The following NRG3 variants were observed in gnomAD, a reference collection of about 807,000 sequenced individuals.
NRG3 encodes pro-neuregulin-3, membrane-bound isoform.
In NRG3, 31 loss-of-function variants were observed where a neutral mutation model predicts 66.9. The ratio of observed to expected loss-of-function variants is 0.46; its 90% confidence interval spans 0.35 to 0.63. The LOEUF is 0.63. NRG3 is among the 20% of genes least tolerant of loss of function. The pLI, the probability that NRG3 is intolerant of heterozygous loss-of-function variation, is 0.00. For synonymous variants in NRG3, 393 were observed against 359.4 expected, an observed-to-expected ratio of 1.09 and a Z score of -1.06; for missense variants, 910 against 878.9, an observed-to-expected ratio of 1.04 and a Z score of -0.45.
intron 1 of NRG3, among the ~76,000 whole-genome samples, chr10:82,193,904 T>G (rs1424935612): frequency 1.3e-5 from 2 of 152,124 alleles, no homozygotes; most frequent in South Asian, 4.1e-4. Flanking sequence ...CAGGGTGAGA[T>G]AAACATCAGG....
At chr10:82,869,237 C>A (rs1841050739) in intron 4 of NRG3, among the ~76,000 whole-genome samples, 2 of 152,128 alleles carry the variant, frequency 1.3e-5, no homozygotes, top group Non-Finnish European at 2.9e-5. Context: ...GTTTTAAGTT[C>A]ATAGCAAAAT....
chr10:82,461,966 A>C (rs1243275240), intron 2 of NRG3, among the ~76,000 whole-genome samples: 3 of 152,118 alleles, frequency 2.0e-5, no homozygotes, highest in Non-Finnish European at 2.9e-5. Context: ...CCCCGTCTCT[A>C]CTAAAAATAC....
chr10:82,651,383 G>A (rs1327076903), intron 2 of NRG3, among the ~76,000 whole-genome samples: 4 of 152,140 alleles, frequency 2.6e-5, no homozygotes, highest in Non-Finnish European at 5.9e-5. Flanking sequence ...GAAATAATGG[G>A]GACTTCTAAC....
chr10:82,168,952 A>G (rs188601124), intron 1 of NRG3, among the ~76,000 whole-genome samples: 26 of 152,162 alleles, frequency 1.7e-4, no homozygotes, highest in Admixed American at 1.5e-3. Context: ...CTAGCATCCA[A>G]AAGGTGTTTT....
intron 2 of NRG3, among the ~76,000 whole-genome samples, chr10:82,442,779 T>C (rs1157702752): frequency 6.9e-6 from 1 of 145,000 alleles, no homozygotes; most frequent in Non-Finnish European, 1.5e-5. Context: ...CTTATTTCTG[T>C]GTGGATTTTT....
At chr10:82,103,855 GAAA>G (rs2066903163) in intron 1 of NRG3, among the ~76,000 whole-genome samples, 1 of 151,654 alleles carries the variant, frequency 6.6e-6, no homozygotes, top group Non-Finnish European at 1.5e-5. Flanking sequence ...GACAAGGTGA[GAAA>G]AAAGAAGAGG....
chr10:82,812,263 AAGGCACCT>A (rs2061519667), intron 3 of NRG3, among the ~76,000 whole-genome samples: 1 of 152,182 alleles, frequency 6.6e-6, no homozygotes, highest in Non-Finnish European at 1.5e-5. Context: ...TTTGAGAAGC[AAGGCACCT>A]AGATTTCTGG....
intron 1 of NRG3, among the ~76,000 whole-genome samples, chr10:82,255,641 C>T (rs927737797): frequency 1.3e-5 from 2 of 152,102 alleles, no homozygotes; most frequent in African/African-American, 4.8e-5. Context: ...CTTGCTCTGT[C>T]GTCCAGGCTG....
At chr10:81,912,095 TTC>T in intron 1 of NRG3, among the ~76,000 whole-genome samples, 1 of 152,344 alleles carries the variant, frequency 6.6e-6, no homozygotes, top group African/African-American at 2.4e-5. Flanking sequence ...ATACTTCTTT[TTC>T]TTTTTCCTTA....
chr10:82,792,838 G>A (rs1239971947), intron 3 of NRG3, among the ~76,000 whole-genome samples: 2 of 151,846 alleles, frequency 1.3e-5, no homozygotes, highest in Non-Finnish European at 2.9e-5. Flanking sequence ...GTGCCACAAC[G>A]CCCAGCTAAT....
chr10:82,623,430 A>C (rs946189609), intron 2 of NRG3, among the ~76,000 whole-genome samples: 1 of 152,132 alleles, frequency 6.6e-6, no homozygotes. Context: ...TCTGAATCAG[A>C]TTTGCTCTCT....
intron 2 of NRG3, among the ~76,000 whole-genome samples, chr10:82,681,464 C>T (rs2054107734): frequency 6.6e-6 from 1 of 152,186 alleles, no homozygotes. Context: ...CAGAATAACT[C>T]AGTCCAGTTG....
At chr10:82,007,338 T>G (rs888085117) in intron 1 of NRG3, among the ~76,000 whole-genome samples, 2 of 151,730 alleles carry the variant, frequency 1.3e-5, no homozygotes, top group Non-Finnish European at 2.9e-5. Flanking sequence ...GCCTCCCAAG[T>G]AGCTGGGACT....
intron 1 of NRG3, among the ~76,000 whole-genome samples, chr10:81,925,868 T>G (rs1412314145): frequency 2.3e-4 from 35 of 152,100 alleles, no homozygotes; most frequent in Admixed American, 2.3e-3. Context: ...GACCTTAGCA[T>G]GCTGAGCCCT....
intron 1 of NRG3, among the ~76,000 whole-genome samples, chr10:81,955,475 G>A (rs1194477018): frequency 2.0e-5 from 3 of 152,046 alleles, no homozygotes; most frequent in Admixed American, 2.0e-4. Flanking sequence ...CAATGATGAG[G>A]ACTGATTGGG....
intron 3 of NRG3, among the ~76,000 whole-genome samples, chr10:82,835,906 G>A (rs1564549182): frequency 6.6e-6 from 1 of 152,080 alleles, no homozygotes. Context: ...ATATGAGAAA[G>A]GGAGTTGTTG....
At chr10:82,406,795 G>A (rs564379198) in intron 2 of NRG3, among the ~76,000 whole-genome samples, 9 of 152,108 alleles carry the variant, frequency 5.9e-5, no homozygotes, top group Non-Finnish European at 1.3e-4. Context: ...TAGAAACTAG[G>A]TCTTTTGTAC....
intron 3 of NRG3, among the ~76,000 whole-genome samples, chr10:82,782,936 G>A (rs2060181172): frequency 6.6e-6 from 1 of 152,188 alleles, no homozygotes; most frequent in Admixed American, 6.5e-5. Context: ...TATCCTTGAT[G>A]AACATTGATG....
At chr10:82,249,952 C>T (rs1387808363) in intron 1 of NRG3, among the ~76,000 whole-genome samples, 1 of 152,090 alleles carries the variant, frequency 6.6e-6, no homozygotes, top group Non-Finnish European at 1.5e-5. Context: ...CCCTCTAAGC[C>T]CAATGTGAAT....
Sources: gnomAD v4.1 joint callset for allele counts (sites outside exome capture counted in the v4.1 genomes callset) on GRCh38, gnomAD v4.1.1 for gene constraint, MANE v1.5 for transcripts, NCBI Gene and HGNC (gene_info 2026-07-23, HGNC 2026-07-21) for gene names.